Variants in MACF1 observed in about 807,000 individuals in gnomAD.
The protein encoded by MACF1 is microtubule actin crosslinking factor 1.
In MACF1, 193 loss-of-function variants were observed where a neutral mutation model predicts 854.8. The ratio of observed to expected loss-of-function variants is 0.23; its 90% confidence interval spans 0.20 to 0.25. The LOEUF is 0.25. MACF1 is among the 10% of genes least tolerant of loss of function. The pLI is 1.00. For missense variants in MACF1, 7,722 were observed against 8,929.1 expected (o/e 0.86, Z 5.45); for synonymous variants, 3,185 against 3,226.7 (o/e 0.99, Z 0.44).
intron 58 of MACF1, chr1:39,410,194 G>A (rs1454633120): frequency 4.4e-6 from 5 of 1,129,980 alleles, no homozygotes; most frequent in Non-Finnish European, 2.5e-6. Context: ...TATAACTTAT[G>A]TAGAATGCAT....
chr1:39,293,811 A>G lies in MACF1; in HGVS notation c.2154+192A>G, dbSNP rs183139680. On this transcript the variant is annotated intron_variant, in intron 18 of 100. Transcript: ENST00000564288. ...GACAGTAGAACCCTAGAGTTAATTTATCTAGAATGCATTTAGAAAGGCAGT... is the reference window on the plus strand; with the variant it reads ...GACAGTAGAACCCTAGAGTTAATTTGTCTAGAATGCATTTAGAAAGGCAGT... Among the ~76,000 whole-genome samples, 270 of 152,140 alleles carry G rather than the reference A, an allele frequency of 1.8e-3. 1 individual carries two copies. Among genetic ancestry groups the G allele is most frequent in the African/African-American group, 6.3e-3 (261 of 41,496 alleles).
In MACF1 at chr1:39,359,075, C is replaced by A; in HGVS notation, c.12121-66C>A. 1.9e-6 allele frequency: 3 copies of A among 1,590,278 alleles called. No individual in the cohort carries two copies. The Admixed American group carries it at 5.1e-5, about 27-fold the overall frequency. On this transcript the variant is annotated intron_variant, in intron 46 of 100. Transcript: ENST00000564288. Reference sequence around the variant, plus strand: ...TATTCTGTAAAGCTGTTCAGTAGCTCCGGATTCCTAGAATCATCTTTGATT... The same window carrying A: ...TATTCTGTAAAGCTGTTCAGTAGCTACGGATTCCTAGAATCATCTTTGATT...
intron 2 of MACF1, among the ~76,000 whole-genome samples, chr1:39,165,541 C>T (rs1317890202): frequency 2.6e-5 from 4 of 152,124 alleles, no homozygotes; most frequent in South Asian, 2.1e-4. Flanking sequence ...GGTTGTTATA[C>T]GATCCCTATT....
Position 39,299,164 on chromosome 1 carries a change from A to G in MACF1, c.2482-1046A>G, listed in dbSNP as rs1343427915. 8.8e-6 allele frequency: 4 copies of G among 453,160 alleles called. No homozygotes were observed. In the Admixed American group the frequency reaches 9.5e-5, roughly 11 times the overall value. 28.1% of individuals were successfully genotyped at this position (453,160 alleles called of 1,614,324 possible). On this transcript the variant is annotated intron_variant, in intron 21 of 100. Transcript: ENST00000564288. ...GGTAGACCAGCTCTCAAGTATGGAA[A>G]TGTGGCTGTCTCCCTGATATATTCC...
chr1:39,092,711 T>A (rs1641835680), intron 2 of MACF1, among the ~76,000 whole-genome samples: 1 of 152,156 alleles, frequency 6.6e-6, no homozygotes, highest in African/African-American at 2.4e-5. Context: ...ATCAATTAAT[T>A]CATGGCCAAT....
chr1:39,427,308 C>A, intron 61 of MACF1, 147 bp from the exon 62 acceptor site: 1 of 595,014 alleles, frequency 1.7e-6, no homozygotes, highest in East Asian at 3.0e-5. Context: ...TCCTTTAAAA[C>A]ATCGAAATGC....
chr1:39,346,668 T>C (rs181234678), intron 40 of MACF1, among the ~76,000 whole-genome samples: 1 of 151,750 alleles, frequency 6.6e-6, no homozygotes, highest in Non-Finnish European at 1.5e-5. Context: ...TACAGGCGCC[T>C]GCCACTACGC....
chr1:39,164,184 C>T (rs535029011), intron 2 of MACF1, among the ~76,000 whole-genome samples: 26 of 152,290 alleles, frequency 1.7e-4, no homozygotes, highest in East Asian at 1.5e-3. Context: ...GCTATGATAA[C>T]GAACATCCTT....
intron 44 of MACF1, 47 bp downstream of exon 44, chr1:39,353,278 C>A: frequency 1.4e-6 from 2 of 1,449,388 alleles, no homozygotes; most frequent in Non-Finnish European, 1.9e-6. Flanking sequence ...ATCTCTCCTG[C>A]CCTGAGCAAG....
chr1:39,477,153 C>CTTTGTGTATAT (rs1644923559), intron 97 of MACF1, among the ~76,000 whole-genome samples: 1 of 119,246 alleles, frequency 8.4e-6, no homozygotes, highest in African/African-American at 2.9e-5. Flanking sequence ...CACACACACA[C>CTTTGTGTATAT]AGATGTGCAA....
chr1:39,293,334 G>C (rs182391852), intron 17 of MACF1, 124 bp from the exon 18 acceptor site: 7 of 911,540 alleles, frequency 7.7e-6, no homozygotes, highest in Non-Finnish European at 1.2e-5. Context: ...GAATCCATGG[G>C]GAAAAATCCA....
chr1:39,432,523 T>A lies in MACF1; in HGVS notation c.17338-12T>A. On this transcript the variant is annotated splice_polypyrimidine_tract_variant and intron_variant, in intron 66 of 100. Coordinates refer to ENST00000564288, the MANE Select transcript of MACF1 (RefSeq NM_001394062.1). ...ATATAATTTGTTTATTTTTCTTTAA[T>A]ACGTCTATTAGTATGAGCAAGCTGC... 3.1e-6 allele frequency: 5 copies of A among 1,613,158 alleles called. No homozygotes were observed. Among genetic ancestry groups the A allele is most frequent in the Non-Finnish European group, 4.2e-6 (5 of 1,179,566 alleles).
At chr1:39,170,810 G>A (rs940388141) in intron 2 of MACF1, among the ~76,000 whole-genome samples, 11 of 152,202 alleles carry the variant, frequency 7.2e-5, no homozygotes, top group African/African-American at 2.7e-4. Context: ...CCATCTGTGG[G>A]AGGACAGCAG....
rs563114099 is a variant in MACF1 at position 39,285,070 on chromosome 1, G to T, written c.1132-13G>T. ...ATGGCTGTGTTTTTGGACTGAAAGAGTATCTGTTTCAGGTGTGGATTGAAT... is the reference window on the plus strand; with the variant it reads ...ATGGCTGTGTTTTTGGACTGAAAGATTATCTGTTTCAGGTGTGGATTGAAT... On this transcript the variant is annotated splice_polypyrimidine_tract_variant and intron_variant, in intron 11 of 100. Coordinates refer to ENST00000564288, the MANE Select transcript of MACF1 (RefSeq NM_001394062.1). The T allele has an allele frequency of 6.2e-7, 1 of 1,613,954 alleles. No individual in the cohort carries two copies. The highest frequency in any genetic ancestry group is 1.7e-5 in the Admixed American group (1 of 60,012).
intron 52 of MACF1, chr1:39,373,090 AAGTC>A (rs985789740): frequency 3.6e-5 from 6 of 166,518 alleles, no homozygotes; most frequent in Non-Finnish European, 7.6e-5. Flanking sequence ...GCGGATCACG[AAGTC>A]AGGAGATTGA....
chr1:39,475,688 GGA>G (rs1173920297), intron 97 of MACF1, among the ~76,000 whole-genome samples: 1 of 152,136 alleles, frequency 6.6e-6, no homozygotes, highest in East Asian at 1.9e-4. Context: ...CCCTTGGGAG[GGA>G]GAGACCTACG....
At chr1:39,380,713 C>A (rs1299269327) in intron 55 of MACF1, among the ~76,000 whole-genome samples, 1 of 152,112 alleles carries the variant, frequency 6.6e-6, no homozygotes, top group Admixed American at 6.5e-5. Context: ...TCAAACCAGT[C>A]TGGGCAACAT....
chr1:39,210,027 T>C (rs1486051915), intron 1 of MACF1, among the ~76,000 whole-genome samples: 1 of 151,746 alleles, frequency 6.6e-6, no homozygotes, highest in East Asian at 1.9e-4. Flanking sequence ...GAGGCAGAGG[T>C]TGCAGTGAGC....
At chr1:39,277,305 A>C (rs1645456480) in intron 6 of MACF1, among the ~76,000 whole-genome samples, 1 of 152,244 alleles carries the variant, frequency 6.6e-6, no homozygotes, top group Admixed American at 6.5e-5. Context: ...ATTCACTAAA[A>C]AGATAGCTTT....
Sources: gnomAD v4.1 joint callset for allele counts (sites outside exome capture counted in the v4.1 genomes callset) on GRCh38, gnomAD v4.1.1 for gene constraint, MANE v1.5 for transcripts, NCBI Gene and HGNC (gene_info 2026-07-23, HGNC 2026-07-21) for gene names.